Variants in PRPS1 observed in about 807,000 individuals in gnomAD.
PRPS1 encodes the protein ribose-phosphate pyrophosphokinase 1.
Under a neutral mutation model 16.9 loss-of-function variants are expected in PRPS1, and 1 was observed. The observed-to-expected ratio is 0.06, with a 90% confidence interval of 0.02 to 0.28. PRPS1 has a LOEUF of 0.28. Ranked by LOEUF, PRPS1 falls within the 10% of genes least tolerant of loss-of-function variation. PRPS1 has a pLI of 1.00. For missense variants in PRPS1, 47 were observed against 254.0 expected (o/e 0.19, Z 5.54); for synonymous variants, 70 against 90.2 (o/e 0.78, Z 1.27).
chrX:107,639,150 A>C (rs1956523584), intron 1 of PRPS1, 145 bp from the exon 2 acceptor site: 2 of 618,663 alleles, frequency 3.2e-6, no homozygotes, highest in Non-Finnish European at 5.2e-6. Flanking sequence ...AAAAATCTGT[A>C]CATGTTCAAT....
rs751502881 is a variant in PRPS1, at chrX:107,635,077, G to A, written c.123-4218G>A. 4.5e-5 allele frequency among the ~76,000 whole-genome samples: 5 copies of A among 111,204 alleles called. 1 individual carries two copies. The South Asian group carries it at 1.9e-3, about 42-fold the overall frequency. ...AGGATGGTCTCGATCACCTGACCTC[G>A]TGATCCGCCCGCCTCGGCCTCCCAA... On this transcript the variant is annotated intron_variant, in intron 1 of 6. Coordinates refer to ENST00000372435, the MANE Select transcript of PRPS1 (RefSeq NM_002764.4).
intron 1 of PRPS1, among the ~76,000 whole-genome samples, chrX:107,634,525 C>T (rs1925383992): frequency 9.1e-6 from 1 of 109,744 alleles, no homozygotes; most frequent in South Asian, 3.9e-4. Flanking sequence ...GAGCCACCGC[C>T]CCAGCCTAGT....
intron 4 of PRPS1, among the ~76,000 whole-genome samples, chrX:107,644,374 G>T (rs764345856): frequency 2.1e-4 from 23 of 111,590 alleles, no homozygotes; most frequent in Non-Finnish European, 3.8e-4. Flanking sequence ...TGAGGGAAGT[G>T]ATGAGGACAC....
chrX:107,637,451 C>T (rs1925467013), intron 1 of PRPS1, among the ~76,000 whole-genome samples: 1 of 111,149 alleles, frequency 9.0e-6, no homozygotes. Context: ...GTGATTCACT[C>T]CTTATGATAT....
intron 4 of PRPS1, among the ~76,000 whole-genome samples, chrX:107,643,559 A>G (rs1925624288): frequency 9.0e-6 from 1 of 111,313 alleles, no homozygotes; most frequent in African/African-American, 3.3e-5. Context: ...TTGAGTGTCT[A>G]TCACTTCTGT....
chrX:107,649,001 C>T (rs769321740), intron 6 of PRPS1, among the ~76,000 whole-genome samples: 2 of 111,579 alleles, frequency 1.8e-5, no homozygotes, highest in South Asian at 3.7e-4. Context: ...TCAGGTGATC[C>T]GTCCACCTCG....
At chrX:107,633,151 G>A (rs7884442) in intron 1 of PRPS1, among the ~76,000 whole-genome samples, 8,412 of 110,907 alleles carry the variant, frequency 0.076, 590 homozygotes, top group African/African-American at 0.23. Flanking sequence ...AGCCGGGTGC[G>A]GTGGCTCACG....
chrX:107,642,636 T>A, intron 4 of PRPS1, 146 bp downstream of exon 4: 2 of 731,383 alleles, frequency 2.7e-6, no homozygotes, highest in South Asian at 5.0e-5. Context: ...TGAATATAGT[T>A]TTACCCTTTC....
chrX:107,634,278 G>A (rs1341667866), intron 1 of PRPS1, among the ~76,000 whole-genome samples: 1 of 110,093 alleles, frequency 9.1e-6, no homozygotes, highest in East Asian at 2.8e-4. Flanking sequence ...GCAGTGGCGC[G>A]ATCTCGGTTC....
At chrX:107,639,544 T>A in intron 2 of PRPS1, 66 bp downstream of exon 2, 2 of 1,087,822 alleles carry the variant, frequency 1.8e-6, no homozygotes, top group East Asian at 3.0e-5. Context: ...CACAAATAAA[T>A]TCCAAAATTA....
At chrX:107,648,764 G>GT (rs1925762209) in intron 6 of PRPS1, among the ~76,000 whole-genome samples, 1 of 107,773 alleles carries the variant, frequency 9.3e-6, no homozygotes, top group Admixed American at 1.0e-4. Flanking sequence ...TTGTTTGTTT[G>GT]TTTTTTGTTT....
At chrX:107,641,256 C>A in intron 3 of PRPS1, 1 of 707,260 alleles carries the variant, frequency 1.4e-6, no homozygotes. Flanking sequence ...GCTTTGTAAG[C>A]TTGGGAAGGT....
At chrX:107,632,506 T>C (rs1602895373) in intron 1 of PRPS1, among the ~76,000 whole-genome samples, 2 of 112,273 alleles carry the variant, frequency 1.8e-5, no homozygotes, top group African/African-American at 6.5e-5. Flanking sequence ...TGCCTGACCT[T>C]AAAGGAAAGG....
At chrX:107,635,862 C>A (rs956772336) in intron 1 of PRPS1, among the ~76,000 whole-genome samples, 2 of 107,073 alleles carry the variant, frequency 1.9e-5, no homozygotes, top group African/African-American at 7.1e-5. Flanking sequence ...AGATCGAGAC[C>A]ATCCTGGCCA....
intron 6 of PRPS1, among the ~76,000 whole-genome samples, chrX:107,648,613 A>T (rs779407625): frequency 9.2e-6 from 1 of 108,117 alleles, no homozygotes; most frequent in South Asian, 4.0e-4. Flanking sequence ...GGGTCTCCCT[A>T]TGTTGCCCAG....
At chrX:107,633,377 C>T (rs1256702425) in intron 1 of PRPS1, among the ~76,000 whole-genome samples, 1 of 100,913 alleles carries the variant, frequency 9.9e-6, no homozygotes, top group Non-Finnish European at 2.0e-5. Context: ...AGCTGAGATC[C>T]TGCCACTGCA....
chrX:107,645,461 CTT>C (rs1384472848), intron 5 of PRPS1, 111 bp downstream of exon 5: 6 of 934,779 alleles, frequency 6.4e-6, no homozygotes, highest in Non-Finnish European at 9.2e-6. Context: ...GGATAAGTAA[CTT>C]TGTGAGATTT....
intron 1 of PRPS1, among the ~76,000 whole-genome samples, chrX:107,634,694 C>T (rs1420514523): frequency 2.7e-5 from 3 of 111,118 alleles, no homozygotes; most frequent in South Asian, 3.7e-4. Flanking sequence ...ATAGTGATAT[C>T]GAGTAACATC....
At chrX:107,648,607 C>T (rs1404283355) in intron 6 of PRPS1, among the ~76,000 whole-genome samples, 1 of 108,071 alleles carries the variant, frequency 9.3e-6, no homozygotes, top group Non-Finnish European at 1.9e-5. Flanking sequence ...GAGACGGGGT[C>T]TCCCTATGTT....
Sources: gnomAD v4.1 joint callset for allele counts (sites outside exome capture counted in the v4.1 genomes callset) on GRCh38, gnomAD v4.1.1 for gene constraint, MANE v1.5 for transcripts, NCBI Gene and HGNC (gene_info 2026-07-23, HGNC 2026-07-21) for gene names.